The following CDH10 variants were observed in gnomAD, a reference collection of about 807,000 sequenced individuals.
CDH10 encodes the protein cadherin 10, also known as cadherin-10.
In CDH10, 30 loss-of-function variants were observed where a neutral mutation model predicts 73.1. The observed-to-expected ratio is 0.41, with a 90% CI of 0.31 to 0.56. The LOEUF (loss-of-function observed/expected upper bound fraction) is 0.56. CDH10 is among the 20% of genes least tolerant of loss of function. The pLI, the probability that CDH10 is intolerant of heterozygous loss-of-function variation, is 0.27. For synonymous variants in CDH10, 345 were observed against 348.2 expected (o/e 0.99, Z 0.10); for missense variants, 815 against 973.7 (o/e 0.84, Z 2.17).
chr5:24,504,507 T>TG (rs1491252370), intron 8 of CDH10, among the ~76,000 whole-genome samples: 1,437 of 10,568 alleles, frequency 0.14, 537 homozygotes, highest in African/African-American at 0.4. Flanking sequence ...CCTATTAATC[T>TG]TTTTTTTTTT....
chr5:24,546,933 G>A (rs2111933923), intron 2 of CDH10, among the ~76,000 whole-genome samples: 1 of 152,236 alleles, frequency 6.6e-6, no homozygotes, highest in South Asian at 2.1e-4. Flanking sequence ...TATTTTAAAT[G>A]AAGTGAAAGA....
chr5:24,559,369 G>A lies in CDH10; in HGVS notation c.232-21695C>T, dbSNP rs1402947721. Reference sequence around the variant, plus strand: ...ATATGTGTAAACAAATGTATATCTGGGCACATAAGAGAAACATTCACAATA... The same window carrying A: ...ATATGTGTAAACAAATGTATATCTGAGCACATAAGAGAAACATTCACAATA... On this transcript the variant is annotated intron_variant, in intron 2 of 11. Transcript: ENST00000264463. Among the ~76,000 whole-genome samples, 7 of 151,742 alleles carry A rather than the reference G, an allele frequency of 4.6e-5. No individual in the cohort carries two copies. In the East Asian group the frequency reaches 1.2e-3, roughly 25 times the overall value.
chr5:24,637,442 T>A (rs1012687571), intron 1 of CDH10, among the ~76,000 whole-genome samples: 17 of 151,962 alleles, frequency 1.1e-4, no homozygotes, highest in Non-Finnish European at 1.9e-4. Context: ...AATGGAAACA[T>A]TTAGAGCACA....
intron 2 of CDH10, among the ~76,000 whole-genome samples, chr5:24,587,996 A>T (rs181578807): frequency 6.5e-4 from 99 of 152,330 alleles, no homozygotes; most frequent in Admixed American, 3.1e-3. Context: ...GTTTTCTGCA[A>T]GACATGCCTC....
chr5:24,621,606 C>A (rs568582480), intron 1 of CDH10, among the ~76,000 whole-genome samples: 4 of 152,228 alleles, frequency 2.6e-5, no homozygotes, highest in African/African-American at 9.6e-5. Context: ...GGAGAGATTT[C>A]TATTTTAAAT....
chr5:24,637,596 T>G lies in CDH10; in HGVS notation c.-124+6998A>C, dbSNP rs562766616. On this transcript the variant is annotated intron_variant, in intron 1 of 11. Coordinates refer to ENST00000264463, the MANE Select transcript of CDH10 (RefSeq NM_006727.5). The stretch of plus-strand genomic sequence containing the variant: ...ACAGAAGGGAATGCGTCACAGTAAC[T>G]TCCCCCAAAATGAGTGAAATTAATT... Among the ~76,000 whole-genome samples, 27 of 152,036 alleles carry G rather than the reference T, an allele frequency of 1.8e-4. No homozygotes were observed. In the South Asian group the frequency reaches 5.4e-3, roughly 30 times the overall value.
intron 8 of CDH10, among the ~76,000 whole-genome samples, chr5:24,500,212 T>G (rs1044475314): frequency 6.6e-6 from 1 of 152,150 alleles, no homozygotes; most frequent in Admixed American, 6.5e-5. Context: ...CCTTGTTCTC[T>G]CCATATAATT....
chr5:24,579,681 T>A (rs1003457104), intron 2 of CDH10, among the ~76,000 whole-genome samples: 1 of 152,164 alleles, frequency 6.6e-6, no homozygotes, highest in African/African-American at 2.4e-5. Context: ...TCTCTTCTCC[T>A]TACATTTTCT....
chr5:24,563,182 G>A (rs1026418631), intron 2 of CDH10, among the ~76,000 whole-genome samples: 6 of 152,076 alleles, frequency 3.9e-5, no homozygotes, highest in African/African-American at 7.2e-5. Context: ...TCCTAAATTT[G>A]AAGATTTAGG....
intron 1 of CDH10, among the ~76,000 whole-genome samples, chr5:24,630,467 T>C (rs1747666111): frequency 1.3e-5 from 2 of 151,264 alleles, no homozygotes; most frequent in Admixed American, 6.6e-5. Context: ...GCATGAGAAT[T>C]GCTTGAACCC....
chr5:24,620,759 G>GT (rs1396069666), intron 1 of CDH10, among the ~76,000 whole-genome samples: 1 of 151,882 alleles, frequency 6.6e-6, no homozygotes, highest in Admixed American at 6.6e-5. Flanking sequence ...CATTGCCCCT[G>GT]TTTTGTTAAG....
rs114926390 is a variant in CDH10 at position 24,537,049 on chromosome 5, A to G, written c.526+331T>C. On this transcript the variant is annotated intron_variant, in intron 3 of 11. Coordinates refer to ENST00000264463, the MANE Select transcript of CDH10 (RefSeq NM_006727.5). ...GGTATTCTAAATGTATTTATATTATATTTGGGATCAGAAATTTATACAACT... is the reference window on the plus strand; with the variant it reads ...GGTATTCTAAATGTATTTATATTATGTTTGGGATCAGAAATTTATACAACT... Among the ~76,000 whole-genome samples the G allele has an allele frequency of 4.2e-3, 639 of 152,060 alleles. 1 individual carries two copies. Among genetic ancestry groups the G allele is most frequent in the Admixed American group, 7.1e-3 (108 of 15,222 alleles).
chr5:24,537,403 C>A lies in CDH10; in HGVS notation c.503G>T (p.Ser168Ile), dbSNP rs1337648549. 2.5e-6 allele frequency: 4 copies of A among 1,612,074 alleles called. No homozygotes were observed. Among genetic ancestry groups the A allele is most frequent in the Non-Finnish European group, 3.4e-6 (4 of 1,178,710 alleles). Residue 168 changes from serine (S) to isoleucine (I), a missense_variant, in exon 3 of 12, where the codon AGT becomes ATT. This residue lies in a region of CDH10 where 516 missense variants were observed against 636.6 expected (regional missense o/e 0.81). Transcript: ENST00000264463. ...ACCTACAACAGACATTTCGGGAACA[C>A]TAGCTGTATAGATTTCTTCTGGGAA... Reference protein sequence around the residue: ...PTFPEEIYTASVPEMSVVGTS... With the variant: ...PTFPEEIYTAIVPEMSVVGTS...
rs1741885227 is a variant in CDH10 at position 24,487,591 on chromosome 5, T to C, written c.*72A>G. The C allele has an allele frequency of 6.9e-7, 1 of 1,439,476 alleles. No homozygotes were observed. 89.2% of individuals were successfully genotyped at this position (1,439,476 alleles called of 1,614,324 possible). A position where few individuals can be genotyped will look rare whatever the true frequency, so the allele number is the denominator to read the frequency against. ...ACTGGCAGGAAAATGCTCCTGAATATCAAATATTGTGAAGTGGAGACAGCA... is the reference window on the plus strand; with the variant it reads ...ACTGGCAGGAAAATGCTCCTGAATACCAAATATTGTGAAGTGGAGACAGCA... On this transcript the variant is annotated 3_prime_UTR_variant, in exon 12 of 12. Transcript: ENST00000264463.
intron 9 of CDH10, among the ~76,000 whole-genome samples, chr5:24,495,983 G>A (rs570706894): frequency 8.5e-5 from 13 of 152,164 alleles, no homozygotes; most frequent in Non-Finnish European, 1.8e-4. Flanking sequence ...TAATCTTAAG[G>A]AATGCTTCAG....
At position 24,518,808 on chromosome 5, in the gene CDH10, G is replaced by A. The variant is rs1415139845; in HGVS notation, c.815-7294C>T. On this transcript the variant is annotated intron_variant, in intron 5 of 11. Transcript: ENST00000264463. ...GCAAAAGGCAGCTTTGACCTACATC[G>A]GAGAAGGATTACAGTGAGATGGTAA... Among the ~76,000 whole-genome samples the A allele has an allele frequency of 4.0e-5, 6 of 151,522 alleles. No homozygotes were observed. The South Asian group carries it at 6.3e-4, about 16-fold the overall frequency.
chr5:24,566,037 C>T (rs555865439), intron 2 of CDH10, among the ~76,000 whole-genome samples: 1 of 152,142 alleles, frequency 6.6e-6, no homozygotes, highest in African/African-American at 2.4e-5. Flanking sequence ...ATTCAAATAA[C>T]ATCATAGTTT....
rs549292968 is a variant in CDH10, at chr5:24,555,993, T to A, written c.232-18319A>T. Among the ~76,000 whole-genome samples, 6 of 152,262 alleles carry A rather than the reference T, an allele frequency of 3.9e-5. No individual in the cohort carries two copies. In the East Asian group the frequency reaches 1.2e-3, roughly 29 times the overall value. On this transcript the variant is annotated intron_variant, in intron 2 of 11. Transcript: ENST00000264463. ...ACAATCACTTCTAGGAGAAACCTTA[T>A]TGGATGTTTTGCTTATGTTATTAGC...
chr5:24,540,483 C>G (rs1744112844), intron 2 of CDH10, among the ~76,000 whole-genome samples: 1 of 151,776 alleles, frequency 6.6e-6, no homozygotes, highest in Non-Finnish European at 1.5e-5. Flanking sequence ...AAAATTAAAT[C>G]TTATAATTGG....
Sources: gnomAD v4.1 joint callset for allele counts (sites outside exome capture counted in the v4.1 genomes callset) on GRCh38, gnomAD v4.1.1 for gene constraint, gnomAD v4.1.1 regional missense constraint, MANE v1.5 for transcripts, NCBI Gene and HGNC (gene_info 2026-07-23, HGNC 2026-07-21) for gene names.